Variants in SYT1 observed in about 807,000 individuals in gnomAD.
SYT1 encodes synaptotagmin 1.
SYT1 carries 8 observed loss-of-function variants against 44.8 expected under a neutral mutation model. That is an observed-to-expected ratio of 0.18 (90% CI 0.10 to 0.32). The LOEUF (loss-of-function observed/expected upper bound fraction) is 0.32. Among genes scored for constraint, SYT1 ranks in the 10% least tolerant of loss-of-function variants. SYT1 has a pLI of 1.00. For missense variants in SYT1, 286 were observed against 509.3 expected, an observed-to-expected ratio of 0.56 and a Z score of 4.22; for synonymous variants, 154 against 188.8, an observed-to-expected ratio of 0.82 and a Z score of 1.51.
At chr12:79,189,283 C>T (rs1872976174) in intron 3 of SYT1, among the ~76,000 whole-genome samples, 1 of 152,128 alleles carries the variant, frequency 6.6e-6, no homozygotes, top group Non-Finnish European at 1.5e-5. Context: ...ACTATTTAGT[C>T]TGTCTACACT....
intron 1 of SYT1, among the ~76,000 whole-genome samples, chr12:78,895,308 T>C (rs1005340493): frequency 2.0e-5 from 3 of 151,716 alleles, no homozygotes; most frequent in Non-Finnish European, 4.4e-5. Context: ...AATCAGCATA[T>C]TAAATAAAAC....
chr12:79,179,544 G>GATGTATCTATAT (rs879668657), intron 3 of SYT1, among the ~76,000 whole-genome samples: 1 of 24,324 alleles, frequency 4.1e-5, no homozygotes, highest in Non-Finnish European at 9.0e-5. Flanking sequence ...TATAGATATA[G>GATGTATCTATAT]AGATATAGAT....
intron 3 of SYT1, among the ~76,000 whole-genome samples, chr12:79,137,313 C>T (rs1869261428): frequency 6.6e-6 from 1 of 152,122 alleles, no homozygotes; most frequent in Admixed American, 6.5e-5. Context: ...TCAAGCTGGT[C>T]TCGAACTCCT....
chr12:78,978,491 T>A (rs1450655384), intron 2 of SYT1, among the ~76,000 whole-genome samples: 4 of 152,222 alleles, frequency 2.6e-5, no homozygotes, highest in Non-Finnish European at 5.9e-5. Context: ...CTATTACATA[T>A]GTTAGAGTAC....
intron 4 of SYT1, among the ~76,000 whole-genome samples, chr12:79,218,082 G>A (rs542878638): frequency 2.0e-5 from 3 of 151,586 alleles, no homozygotes; most frequent in African/African-American, 7.3e-5. Context: ...TCCCAATATC[G>A]CAGGTTTGAT....
At chr12:79,282,291 TA>T (rs1210209768) in intron 4 of SYT1, among the ~76,000 whole-genome samples, 1 of 152,212 alleles carries the variant, frequency 6.6e-6, no homozygotes, top group Admixed American at 6.5e-5. Flanking sequence ...AGGTATTAAT[TA>T]AAACATCAGA....
chr12:79,081,539 C>A (rs1281558015), intron 3 of SYT1, among the ~76,000 whole-genome samples: 1 of 151,990 alleles, frequency 6.6e-6, no homozygotes, highest in Non-Finnish European at 1.5e-5. Context: ...CCACCATACC[C>A]AGCTAATTTT....
At chr12:79,395,887 A>G (rs1325821644) in intron 9 of SYT1, among the ~76,000 whole-genome samples, 1 of 152,144 alleles carries the variant, frequency 6.6e-6, no homozygotes, top group Non-Finnish European at 1.5e-5. Flanking sequence ...AACTATCCAG[A>G]TTTTCCTAAT....
chr12:78,877,751 C>T (rs1009592237), intron 1 of SYT1, among the ~76,000 whole-genome samples: 2 of 151,708 alleles, frequency 1.3e-5, no homozygotes, highest in African/African-American at 4.8e-5. Context: ...AACTCAGCTA[C>T]CTGAGTAACT....
chr12:78,873,917 T>A (rs1022310410), intron 1 of SYT1, among the ~76,000 whole-genome samples: 1 of 151,574 alleles, frequency 6.6e-6, no homozygotes, highest in Non-Finnish European at 1.5e-5. Flanking sequence ...CATTGCAATG[T>A]GGAATAATAT....
intron 3 of SYT1, among the ~76,000 whole-genome samples, chr12:79,146,522 T>A (rs1869924661): frequency 6.6e-6 from 1 of 152,168 alleles, no homozygotes; most frequent in Non-Finnish European, 1.5e-5. Context: ...CACACCACAG[T>A]ACAGAGGCCT....
At chr12:79,328,489 C>T (rs1289332488) in intron 8 of SYT1, among the ~76,000 whole-genome samples, 1 of 152,176 alleles carries the variant, frequency 6.6e-6, no homozygotes, top group East Asian at 1.9e-4. Flanking sequence ...ACCATACCCA[C>T]AGTCAAGGAG....
intron 4 of SYT1, among the ~76,000 whole-genome samples, chr12:79,248,038 A>T (rs1876957792): frequency 6.6e-6 from 1 of 152,252 alleles, no homozygotes; most frequent in African/African-American, 2.4e-5. Flanking sequence ...CAAATTTTAA[A>T]GTTAACTTAC....
chr12:79,332,764 C>T (rs568818805), intron 8 of SYT1, among the ~76,000 whole-genome samples: 3 of 152,214 alleles, frequency 2.0e-5, no homozygotes, highest in South Asian at 4.2e-4. Context: ...GTTTCAAATA[C>T]GTCATTTAGC....
At chr12:79,205,175 G>A (rs930243590) in intron 3 of SYT1, among the ~76,000 whole-genome samples, 1 of 151,926 alleles carries the variant, frequency 6.6e-6, no homozygotes, top group African/African-American at 2.4e-5. Context: ...TGTTAGCCAG[G>A]ATGGTCTCAA....
At chr12:79,117,949 A>G (rs976965788) in intron 3 of SYT1, among the ~76,000 whole-genome samples, 2 of 151,766 alleles carry the variant, frequency 1.3e-5, no homozygotes, top group Non-Finnish European at 2.9e-5. Flanking sequence ...GCTATCATCA[A>G]TTTAAAATAG....
At chr12:79,094,410 T>C (rs949643187) in intron 3 of SYT1, among the ~76,000 whole-genome samples, 4 of 151,832 alleles carry the variant, frequency 2.6e-5, no homozygotes, top group Non-Finnish European at 4.4e-5. Flanking sequence ...AAGAACAAAT[T>C]TTTCTTTAAG....
chr12:78,900,684 G>T (rs1875612725), intron 1 of SYT1, among the ~76,000 whole-genome samples: 2 of 152,036 alleles, frequency 1.3e-5, no homozygotes. Context: ...ACCACATAGG[G>T]CCTTGTAGGC....
At chr12:79,143,351 A>G (rs1869681184) in intron 3 of SYT1, among the ~76,000 whole-genome samples, 1 of 152,212 alleles carries the variant, frequency 6.6e-6, no homozygotes, top group Admixed American at 6.5e-5. Flanking sequence ...AGGTAAGCTT[A>G]TGTAAATTTG....
Sources: allele counts gnomAD v4.1 joint callset (sites outside exome capture counted in the v4.1 genomes callset), GRCh38; gene constraint gnomAD v4.1.1; transcripts MANE v1.5; gene names NCBI Gene and HGNC (gene_info 2026-07-23, HGNC 2026-07-21).